MORC1: variants seen among roughly 807,000 people sequenced by gnomAD.
MORC1 encodes MORC family CW-type zinc finger 1.
A neutral mutation model predicts 134.9 loss-of-function variants in MORC1; 59 were observed. The observed-to-expected ratio is 0.44, with a 90% CI of 0.35 to 0.54. MORC1 has a LOEUF of 0.54. MORC1 is among the 20% of genes least tolerant of loss of function. The pLI, the probability that MORC1 is intolerant of heterozygous loss-of-function variation, is 0.00. For synonymous variants in MORC1, 395 were observed against 391.7 expected (o/e 1.01, Z -0.10); for missense variants, 947 against 1,134.5 (o/e 0.83, Z 2.37).
Position 109,005,136 on chromosome 3 carries a change from C to T in MORC1, c.1947G>A (p.Met649Ile), listed in dbSNP as rs35421732. 0.039 allele frequency: 63,042 copies of T among 1,613,734 alleles called. 1,533 individuals are homozygous for T. The highest frequency in any genetic ancestry group is 0.046 in the Non-Finnish European group (54,799 of 1,179,868). ...CTGGAATTCTCTGCTGTTGAGAGTT[C>T]ATTTTCTCCTCCATAGACTTTTTCA... is the stretch of plus-strand genomic sequence containing the variant. ...KIMKKSMEEK[M>I]NSQQQRIPVA... Residue 649 changes from methionine (M) to isoleucine (I), a missense_variant, in exon 19 of 28, where the codon ATG (methionine) becomes ATA (isoleucine). Met to Ile is a conservative substitution (Grantham distance 10, BLOSUM62 1). Transcript: ENST00000232603.
intron 20 of MORC1, among the ~76,000 whole-genome samples, chr3:109,003,391 G>GCACACACACACACACACACA (rs3054383): frequency 6.8e-6 from 1 of 146,650 alleles, no homozygotes; most frequent in Admixed American, 6.9e-5. Context: ...ATATGTGTAT[G>GCACACACACACACACACACA]CACACACACA....
intron 14 of MORC1, among the ~76,000 whole-genome samples, chr3:109,048,924 A>G (rs1949756151): frequency 6.6e-6 from 1 of 152,156 alleles, no homozygotes; most frequent in South Asian, 2.1e-4. Flanking sequence ...TGAATTTGAA[A>G]GGAATACAAT....
chr3:109,080,708 T>TA lies in MORC1; in HGVS notation c.690-10952dup, dbSNP rs1455824643. Among the ~76,000 whole-genome samples the TA allele has an allele frequency of 2.0e-5, 3 of 152,244 alleles. No individual in the cohort carries two copies. The East Asian group carries it at 5.8e-4, about 29-fold the overall frequency. ...TAATAAAACTTGAAAAGCTGATTTTTAAAATTCAGATAAAAAAAGAATATT... is the reference window on the plus strand; with the variant it reads ...TAATAAAACTTGAAAAGCTGATTTTTAAAAATTCAGATAAAAAAAGAATATT... On this transcript the variant is annotated intron_variant, in intron 8 of 27. Transcript: ENST00000232603.
At chr3:108,969,533 T>C in intron 26 of MORC1, 136 bp downstream of exon 26, 2 of 788,044 alleles carry the variant, frequency 2.5e-6, no homozygotes. Flanking sequence ...TGATAAGCTA[T>C]ACATTAATCT....
intron 22 of MORC1, among the ~76,000 whole-genome samples, chr3:108,986,037 C>T (rs1242721588): frequency 1.3e-5 from 2 of 151,958 alleles, no homozygotes; most frequent in African/African-American, 2.4e-5. Context: ...GAAAAACGTG[C>T]CACCAAAAGA....
chr3:109,073,630 A>G (rs1950365517), intron 8 of MORC1, among the ~76,000 whole-genome samples: 1 of 152,228 alleles, frequency 6.6e-6, no homozygotes, highest in Non-Finnish European at 1.5e-5. Flanking sequence ...AAATGACTCT[A>G]AACTGCAGAC....
chr3:108,998,629 A>G (rs1948305822), intron 21 of MORC1, among the ~76,000 whole-genome samples: 1 of 152,142 alleles, frequency 6.6e-6, no homozygotes, highest in Non-Finnish European at 1.5e-5. Flanking sequence ...AGCACGGGGG[A>G]TGGGATGATC....
chr3:109,027,665 T>C (rs1949113471), intron 17 of MORC1, 86 bp downstream of exon 17: 4 of 1,538,380 alleles, frequency 2.6e-6, no homozygotes, highest in Non-Finnish European at 3.6e-6. Context: ...CATTTTATTG[T>C]GTAAACCACT....
At chr3:109,115,689 T>C (rs1356353792) in intron 1 of MORC1, among the ~76,000 whole-genome samples, 2 of 152,228 alleles carry the variant, frequency 1.3e-5, no homozygotes, top group African/African-American at 4.8e-5. Flanking sequence ...AAATGTCATA[T>C]GAATTTCTGC....
At chr3:109,107,427 TA>T (rs1951062830) in intron 3 of MORC1, among the ~76,000 whole-genome samples, 1 of 152,112 alleles carries the variant, frequency 6.6e-6, no homozygotes, top group Non-Finnish European at 1.5e-5. Flanking sequence ...GGCTCCACAC[TA>T]AAATGCCAAT....
rs1947849622 is a variant in MORC1, at chr3:108,984,760, A to G, written c.2280T>C (p.Asp760=). The change falls in exon 23 of 28, where the codon GAT becomes GAC. Residue 760 remains aspartate, a synonymous_variant. Coordinates refer to ENST00000232603, the MANE Select transcript of MORC1 (RefSeq NM_014429.4). The part of the protein sequence containing the change: ...LNQEKQELCN[D]VLAMKRSSSL... The stretch of plus-strand genomic sequence containing the variant: ...AAGAGCTTCTTTTCATTGCTAGAAC[A>G]TCATTGCACAGCTCCTGTTTTTCTT... The G allele has an allele frequency of 4.3e-6, 7 of 1,609,504 alleles. No homozygotes were observed. Among genetic ancestry groups the G allele is most frequent in the Non-Finnish European group, 5.9e-6 (7 of 1,178,686 alleles).
intron 23 of MORC1, among the ~76,000 whole-genome samples, chr3:108,984,441 T>C (rs538789324): frequency 6.6e-6 from 1 of 152,310 alleles, no homozygotes; most frequent in African/African-American, 2.4e-5. Context: ...TTCAGTTCTT[T>C]GACTACATTA....
intron 27 of MORC1, among the ~76,000 whole-genome samples, chr3:108,962,801 C>A (rs368278286): frequency 6.6e-5 from 10 of 152,274 alleles, no homozygotes; most frequent in African/African-American, 2.4e-4. Context: ...TAACTCAATT[C>A]TTTATGCATT....
intron 26 of MORC1, among the ~76,000 whole-genome samples, chr3:108,964,994 A>G (rs1222589038): frequency 9.2e-5 from 14 of 152,208 alleles, no homozygotes; most frequent in Admixed American, 9.2e-4. Context: ...CACCTCCACC[A>G]GGAAGCTTCA....
At chr3:109,097,024 A>C (rs888946389) in intron 6 of MORC1, among the ~76,000 whole-genome samples, 13 of 152,338 alleles carry the variant, frequency 8.5e-5, no homozygotes, top group Admixed American at 2.0e-4. Flanking sequence ...CAGCTATTAC[A>C]AGAAACTATC....
chr3:108,984,451 A>G (rs1309909678), intron 23 of MORC1, among the ~76,000 whole-genome samples: 1 of 152,178 alleles, frequency 6.6e-6, no homozygotes. Context: ...TGACTACATT[A>G]AAGTAATTTG....
intron 14 of MORC1, among the ~76,000 whole-genome samples, chr3:109,052,145 G>A (rs1328880659): frequency 6.6e-6 from 1 of 152,124 alleles, no homozygotes; most frequent in Non-Finnish European, 1.5e-5. Flanking sequence ...GAGAGTAGAT[G>A]TTTGAGTTAA....
chr3:108,963,290 G>C (rs1947130747), intron 27 of MORC1, 124 bp downstream of exon 27: 1 of 720,024 alleles, frequency 1.4e-6, no homozygotes, highest in African/African-American at 1.8e-5. Context: ...CTTATGCAGA[G>C]AGTAAGGGCT....
At chr3:109,108,666 G>A (rs1198847990) in intron 3 of MORC1, among the ~76,000 whole-genome samples, 3 of 152,146 alleles carry the variant, frequency 2.0e-5, no homozygotes, top group African/African-American at 4.8e-5. Flanking sequence ...GCGAGGCCGA[G>A]GCGGGCGGAT....
Sources: gnomAD v4.1 joint callset for allele counts (sites outside exome capture counted in the v4.1 genomes callset) on GRCh38, gnomAD v4.1.1 for gene constraint, MANE v1.5 for transcripts, NCBI Gene and HGNC (gene_info 2026-07-23, HGNC 2026-07-21) for gene names.